The following PIP5K1B variants were observed in gnomAD, a reference collection of about 807,000 sequenced individuals.
PIP5K1B encodes phosphatidylinositol 4-phosphate 5-kinase type-1 beta.
A neutral mutation model predicts 67.0 loss-of-function variants in PIP5K1B; 42 were observed. That is an observed-to-expected ratio of 0.63 (90% CI 0.49 to 0.81). The LOEUF (loss-of-function observed/expected upper bound fraction) is 0.81, where lower values mean the gene tolerates loss of function less well. Ranked by LOEUF, PIP5K1B falls within the 30% of genes least tolerant of loss-of-function variation. The pLI, the probability that PIP5K1B is intolerant of heterozygous loss-of-function variation, is 0.00. For synonymous variants in PIP5K1B, 214 were observed against 231.4 expected (o/e 0.92, Z 0.68); for missense variants, 459 against 646.3 (o/e 0.71, Z 3.14).
At chr9:68,929,022 ACGTG>A (rs1354473446) in intron 12 of PIP5K1B, among the ~76,000 whole-genome samples, 1 of 152,022 alleles carries the variant, frequency 6.6e-6, no homozygotes, top group East Asian at 1.9e-4. Flanking sequence ...AATTAGCCAG[ACGTG>A]CTGGCACATG....
Position 68,940,779 on chromosome 9 carries a change from C to T in PIP5K1B, c.1491C>T (p.Leu497=), listed in dbSNP as rs756876508. The change falls in exon 14 of 16, where the codon CTC becomes CTT. Residue 497 remains leucine (L), a synonymous_variant. Coordinates refer to ENST00000265382, the MANE Select transcript of PIP5K1B (RefSeq NM_003558.4). Reference sequence around the variant, plus strand: ...ACTATCCACACGACAGGCCTACACTCTATTCAAACAGGTAATACTTAGTGC... The same window carrying T: ...ACTATCCACACGACAGGCCTACACTTTATTCAAACAGGTAATACTTAGTGC... ...NEHYPHDRPT[L]YSNSKGLPSS... The T allele has an allele frequency of 6.2e-7, 1 of 1,613,800 alleles. No homozygotes were observed. Among genetic ancestry groups the T allele is most frequent in the Non-Finnish European group, 8.5e-7 (1 of 1,179,764 alleles).
At chr9:68,895,324 TAAA>T (rs1587631251) in intron 8 of PIP5K1B, among the ~76,000 whole-genome samples, 1 of 135,368 alleles carries the variant, frequency 7.4e-6, no homozygotes, top group South Asian at 2.4e-4. Flanking sequence ...TGAAAAGAGA[TAAA>T]AATTTTTTTA....
intron 8 of PIP5K1B, among the ~76,000 whole-genome samples, chr9:68,909,754 G>A (rs998039483): frequency 6.6e-6 from 1 of 152,170 alleles, no homozygotes; most frequent in African/African-American, 2.4e-5. Context: ...CTTCATATTT[G>A]ATGTCTCCCC....
At chr9:68,895,124 G>C (rs1174991275) in intron 8 of PIP5K1B, among the ~76,000 whole-genome samples, 1 of 152,066 alleles carries the variant, frequency 6.6e-6, no homozygotes, top group African/African-American at 2.4e-5. Context: ...TGAGCAGCAC[G>C]TTTGCTGAAA....
chr9:68,789,655 A>G (rs1390258302), intron 2 of PIP5K1B: 2 of 332,458 alleles, frequency 6.0e-6, no homozygotes, highest in Admixed American at 4.0e-5. Context: ...TTGATCAAGA[A>G]AAGTCTATAA....
intron 1 of PIP5K1B, among the ~76,000 whole-genome samples, chr9:68,736,946 C>A (rs1027494410): frequency 1.3e-5 from 2 of 152,164 alleles, no homozygotes; most frequent in Non-Finnish European, 2.9e-5. Flanking sequence ...CTTAACCATT[C>A]CCATTGTTGA....
At chr9:68,785,842 G>A (rs980400037) in intron 2 of PIP5K1B, among the ~76,000 whole-genome samples, 12 of 152,200 alleles carry the variant, frequency 7.9e-5, no homozygotes, top group Non-Finnish European at 1.3e-4. Context: ...TGAAACTCCT[G>A]CTTTCACACT....
At chr9:68,766,948 A>G (rs938700818) in intron 2 of PIP5K1B, among the ~76,000 whole-genome samples, 6 of 152,198 alleles carry the variant, frequency 3.9e-5, no homozygotes, top group Non-Finnish European at 8.8e-5. Context: ...TTATCAAAAG[A>G]TGCTTTCTAA....
At chr9:68,843,159 T>C (rs1332012936) in intron 4 of PIP5K1B, 1 of 152,062 alleles carries the variant, frequency 6.6e-6, no homozygotes, top group African/African-American at 2.4e-5. Flanking sequence ...AACTAAGGAG[T>C]GCCTTACCCT....
intron 2 of PIP5K1B, among the ~76,000 whole-genome samples, chr9:68,776,223 A>AT (rs1039981397): frequency 6.6e-6 from 1 of 152,148 alleles, no homozygotes. Context: ...ACATTTTTGT[A>AT]TTTTACATTC....
rs1289616734 is a variant in PIP5K1B, at chr9:68,942,460, CAGT to C, written c.1502+1671_1502+1673del. 4.6e-5 allele frequency among the ~76,000 whole-genome samples: 7 copies of C among 151,964 alleles called. No individual in the cohort carries two copies. The East Asian group carries it at 7.7e-4, about 17-fold the overall frequency. ...TTTGTTTTGTTTTGTGTTTTGGTAG[CAGT>C]GGTGGTGGTGGTGGTGGTGGTGGTA... On this transcript the variant is annotated intron_variant, in intron 14 of 15. Transcript: ENST00000265382.
At chr9:68,899,918 C>T (rs917093089) in intron 8 of PIP5K1B, among the ~76,000 whole-genome samples, 5 of 152,152 alleles carry the variant, frequency 3.3e-5, no homozygotes, top group Non-Finnish European at 7.4e-5. Context: ...CTCCTCCTCC[C>T]GCCCTCCACC....
chr9:68,712,715 A>G (rs1446186700), intron 1 of PIP5K1B, among the ~76,000 whole-genome samples: 2 of 152,232 alleles, frequency 1.3e-5, no homozygotes, highest in African/African-American at 2.4e-5. Context: ...TTAGGATGAG[A>G]AAACCACTTG....
At chr9:68,776,052 A>G (rs1009815003) in intron 2 of PIP5K1B, among the ~76,000 whole-genome samples, 1 of 152,182 alleles carries the variant, frequency 6.6e-6, no homozygotes, top group Admixed American at 6.5e-5. Flanking sequence ...TTTAATAGGT[A>G]CAGCAAAATA....
At chr9:68,746,020 G>A (rs999668344) in intron 2 of PIP5K1B, among the ~76,000 whole-genome samples, 45 of 148,352 alleles carry the variant, frequency 3.0e-4, no homozygotes, top group African/African-American at 9.9e-4. Context: ...GAATTAAAAA[G>A]TTACTTTTGT....
intron 3 of PIP5K1B, among the ~76,000 whole-genome samples, chr9:68,819,368 G>A (rs1044465544): frequency 2.0e-5 from 3 of 152,026 alleles, no homozygotes; most frequent in Non-Finnish European, 4.4e-5. Flanking sequence ...CAAACTCCTG[G>A]GCTCAAGCAA....
intron 8 of PIP5K1B, among the ~76,000 whole-genome samples, chr9:68,914,905 T>C (rs1826025087): frequency 6.6e-6 from 1 of 152,196 alleles, no homozygotes; most frequent in Non-Finnish European, 1.5e-5. Flanking sequence ...GCTAATTTAG[T>C]GACATTTGTT....
intron 4 of PIP5K1B, among the ~76,000 whole-genome samples, chr9:68,832,784 G>A (rs556045177): frequency 6.6e-6 from 1 of 152,178 alleles, no homozygotes; most frequent in South Asian, 2.1e-4. Context: ...GAGTTGATGA[G>A]CTACTCTTCC....
chr9:68,881,908 C>T (rs1230464562), intron 6 of PIP5K1B, among the ~76,000 whole-genome samples: 1 of 152,170 alleles, frequency 6.6e-6, no homozygotes, highest in Non-Finnish European at 1.5e-5. Flanking sequence ...TTCAGGCTCA[C>T]CTGCGCCAAT....
Sources: gnomAD v4.1 joint callset for allele counts (sites outside exome capture counted in the v4.1 genomes callset) on GRCh38, gnomAD v4.1.1 for gene constraint, MANE v1.5 for transcripts, NCBI Gene and HGNC (gene_info 2026-07-23, HGNC 2026-07-21) for gene names.